The following CYTH3 variants were observed in gnomAD, a reference collection of about 807,000 sequenced individuals.
CYTH3 encodes the protein cytohesin 3, also known as cytohesin-3.
A neutral mutation model predicts 55.1 loss-of-function variants in CYTH3; 23 were observed. The ratio of observed to expected loss-of-function variants is 0.42; its 90% CI spans 0.30 to 0.59. The LOEUF (loss-of-function observed/expected upper bound fraction) is 0.59. Among genes scored for constraint, CYTH3 ranks in the 20% least tolerant of loss-of-function variants. The probability of loss-of-function intolerance (pLI) is 0.20; values close to 1 mark genes in which losing one functional copy is unlikely to be tolerated. For synonymous variants in CYTH3, 249 were observed against 194.9 expected, an observed-to-expected ratio of 1.28 and a Z score of -2.31; for missense variants, 413 against 524.8, an observed-to-expected ratio of 0.79 and a Z score of 2.08.
chr7:6,246,880 TGTCA>T (rs1331515132), intron 1 of CYTH3, among the ~76,000 whole-genome samples: 6 of 152,384 alleles, frequency 3.9e-5, no homozygotes, highest in South Asian at 2.1e-4. Flanking sequence ...TTCAATTCAA[TGTCA>T]GTATTTTTTT....
chr7:6,166,041 G>A (rs963014888), intron 9 of CYTH3, among the ~76,000 whole-genome samples: 7 of 152,192 alleles, frequency 4.6e-5, no homozygotes, highest in African/African-American at 7.2e-5. Flanking sequence ...ACACAACCGC[G>A]CTACAATTCG....
rs192518979 is a variant in CYTH3, at chr7:6,186,902, C to A, written c.249+148G>T. ...CTGCTTCACCCCACTCGCGAAAAGC[C>A]CCTTTTTGATAAAAATGTGCCTTCA... On this transcript the variant is annotated intron_variant, in intron 4 of 12. Coordinates refer to ENST00000350796, the MANE Select transcript of CYTH3 (RefSeq NM_004227.4). 4.8e-5 allele frequency: 38 copies of A among 799,950 alleles called. No individual in the cohort carries two copies. The African/African-American group carries it at 5.3e-4, about 11-fold the overall frequency. 49.6% of individuals were successfully genotyped at this position (799,950 alleles called of 1,614,324 possible). A position where few individuals can be genotyped will look rare whatever the true frequency, so the allele number is the denominator to read the frequency against.
chr7:6,208,272 C>T (rs1784242124), intron 1 of CYTH3, among the ~76,000 whole-genome samples: 1 of 152,160 alleles, frequency 6.6e-6, no homozygotes, highest in Admixed American at 6.5e-5. Context: ...GTAAAACTAA[C>T]AAACATGGTG....
chr7:6,240,565 T>A (rs1005323656), intron 1 of CYTH3, among the ~76,000 whole-genome samples: 1 of 152,126 alleles, frequency 6.6e-6, no homozygotes, highest in African/African-American at 2.4e-5. Context: ...TACTTTAATA[T>A]ATGATAAAAG....
At chr7:6,234,681 T>A (rs535560265) in intron 1 of CYTH3, among the ~76,000 whole-genome samples, 2 of 152,132 alleles carry the variant, frequency 1.3e-5, no homozygotes, top group Admixed American at 1.3e-4. Context: ...GGTGCACGAG[T>A]GCAAACTGGG....
At chr7:6,228,851 G>C (rs1440999266) in intron 1 of CYTH3, among the ~76,000 whole-genome samples, 1 of 152,012 alleles carries the variant, frequency 6.6e-6, no homozygotes, top group Non-Finnish European at 1.5e-5. Flanking sequence ...TATTCCTCTG[G>C]TGGGAAAAAT....
chr7:6,175,927 T>A (rs990908779), intron 5 of CYTH3, among the ~76,000 whole-genome samples: 1 of 152,150 alleles, frequency 6.6e-6, no homozygotes, highest in African/African-American at 2.4e-5. Flanking sequence ...GTCCCTTGAA[T>A]TTTCCATAGT....
chr7:6,182,397 A>G (rs1357534783), intron 4 of CYTH3, among the ~76,000 whole-genome samples: 1 of 152,114 alleles, frequency 6.6e-6, no homozygotes, highest in African/African-American at 2.4e-5. Context: ...TGCCCAGGCT[A>G]GAGTGCAGTG....
At chr7:6,166,794 C>T (rs952044987) in intron 9 of CYTH3, among the ~76,000 whole-genome samples, 7 of 152,226 alleles carry the variant, frequency 4.6e-5, no homozygotes, top group Non-Finnish European at 7.4e-5. Context: ...TCAGTGCTGC[C>T]GTCCTCCTTT....
At chr7:6,166,547 C>T (rs968320362) in intron 9 of CYTH3, among the ~76,000 whole-genome samples, 1 of 152,200 alleles carries the variant, frequency 6.6e-6, no homozygotes, top group Non-Finnish European at 1.5e-5. Context: ...GGGGAGTAGC[C>T]CTCCCTCCCT....
intron 1 of CYTH3, among the ~76,000 whole-genome samples, chr7:6,256,788 G>C (rs999524365): frequency 1.3e-5 from 2 of 152,224 alleles, no homozygotes; most frequent in Admixed American, 6.5e-5. Context: ...AGCAACTACT[G>C]GGGGAGCCAA....
At position 6,174,913 on chromosome 7, in the gene CYTH3, C is replaced by T. The variant is rs947194802; in HGVS notation, c.369-1180G>A. ...GAGCATTTTTTCCTGTGCTTATTGG[C>T]CACTTGTGTAACGTCTATTCAGATC... is the stretch of plus-strand genomic sequence containing the variant. On this transcript the variant is annotated intron_variant, in intron 5 of 12. Coordinates refer to ENST00000350796, the MANE Select transcript of CYTH3 (RefSeq NM_004227.4). Among the ~76,000 whole-genome samples the T allele has an allele frequency of 9.2e-5, 14 of 152,256 alleles. No homozygotes were observed. The East Asian group carries it at 1.4e-3, about 15-fold the overall frequency.
chr7:6,201,168 A>G (rs1472048974), intron 1 of CYTH3, among the ~76,000 whole-genome samples: 3 of 152,136 alleles, frequency 2.0e-5, no homozygotes, highest in Non-Finnish European at 4.4e-5. Flanking sequence ...GCCTCTCCTC[A>G]CCACTCGACA....
At chr7:6,165,851 A>G (rs1782984435) in intron 9 of CYTH3, 41 bp from the exon 10 acceptor site, 1 of 1,608,456 alleles carries the variant, frequency 6.2e-7, no homozygotes, top group Admixed American at 1.7e-5. Context: ...CTCCGTGCAC[A>G]GGGAGCCCGC....
intron 1 of CYTH3, among the ~76,000 whole-genome samples, chr7:6,259,760 T>TATATATATATATATATATA (rs1780246312): frequency 3.9e-5 from 1 of 25,908 alleles, no homozygotes; most frequent in Non-Finnish European, 5.4e-5. Flanking sequence ...ATATATATTA[T>TATATATATATATATATATA]ATATATATAT....
intron 1 of CYTH3, among the ~76,000 whole-genome samples, chr7:6,262,493 A>G (rs773172554): frequency 2.6e-5 from 4 of 152,206 alleles, no homozygotes; most frequent in Non-Finnish European, 4.4e-5. Context: ...ACTAACTGGA[A>G]AAGAGTGACA....
intron 2 of CYTH3, chr7:6,189,038 G>C (rs964976389): frequency 1.3e-5 from 2 of 152,220 alleles, no homozygotes; most frequent in African/African-American, 4.8e-5. Context: ...GCCGTGGCCT[G>C]TGAAGCCACA....
chr7:6,177,469 C>G (rs1445467896), intron 5 of CYTH3, among the ~76,000 whole-genome samples: 1 of 152,214 alleles, frequency 6.6e-6, no homozygotes, highest in Non-Finnish European at 1.5e-5. Flanking sequence ...AGAAAGAAAA[C>G]CACTGAGAAA....
intron 1 of CYTH3, among the ~76,000 whole-genome samples, chr7:6,257,348 A>T (rs1780154957): frequency 6.6e-6 from 1 of 152,230 alleles, no homozygotes; most frequent in Non-Finnish European, 1.5e-5. Flanking sequence ...AACTCAAAAA[A>T]ATTTTAATCT....
Sources: gnomAD v4.1 joint callset for allele counts (sites outside exome capture counted in the v4.1 genomes callset) on GRCh38, gnomAD v4.1.1 for gene constraint, MANE v1.5 for transcripts, NCBI Gene and HGNC (gene_info 2026-07-23, HGNC 2026-07-21) for gene names.